Variants in RAD51B observed in about 807,000 individuals in gnomAD.
RAD51B encodes DNA repair protein RAD51 homolog 2.
RAD51B carries 38 observed loss-of-function variants against 42.2 expected under a neutral mutation model. That is an observed-to-expected ratio of 0.90 (90% CI 0.70 to 1.18). The LOEUF is 1.18. Among genes scored for constraint, RAD51B ranks in the 50% most tolerant of loss-of-function variants. The probability of loss-of-function intolerance (pLI) is 0.00; values close to 1 mark genes in which losing one functional copy is unlikely to be tolerated. For synonymous variants in RAD51B, 154 were observed against 145.2 expected (o/e 1.06, Z -0.43); for missense variants, 373 against 400.7 (o/e 0.93, Z 0.59).
intron 7 of RAD51B, among the ~76,000 whole-genome samples, chr14:68,274,170 C>T (rs372378501): frequency 6.6e-6 from 1 of 152,094 alleles, no homozygotes; most frequent in Non-Finnish European, 1.5e-5. Context: ...TTTCTATGGA[C>T]GATGACCATA....
At chr14:67,915,115 A>G (rs2044108518) in intron 7 of RAD51B, among the ~76,000 whole-genome samples, 1 of 152,142 alleles carries the variant, frequency 6.6e-6, no homozygotes, top group African/African-American at 2.4e-5. Context: ...TGAAAAACTA[A>G]CTACTGGGTG....
chr14:67,967,608 A>C (rs894192306), intron 7 of RAD51B, among the ~76,000 whole-genome samples: 1 of 152,214 alleles, frequency 6.6e-6, no homozygotes, highest in Non-Finnish European at 1.5e-5. Context: ...GGCAAATTCT[A>C]AAGCTCCAAA....
chr14:67,896,351 TAGA>T (rs1354429715), intron 7 of RAD51B, among the ~76,000 whole-genome samples: 4 of 152,216 alleles, frequency 2.6e-5, no homozygotes, highest in Non-Finnish European at 5.9e-5. Context: ...AAACTGAATG[TAGA>T]AGATTTGTTG....
chr14:68,018,695 C>T (rs1325537322), intron 7 of RAD51B, among the ~76,000 whole-genome samples: 1 of 152,188 alleles, frequency 6.6e-6, no homozygotes, highest in Admixed American at 6.5e-5. Flanking sequence ...TCACTGACAG[C>T]CACTCAAACA....
At chr14:68,115,373 C>T (rs181706371) in intron 7 of RAD51B, among the ~76,000 whole-genome samples, 26,428 of 108,110 alleles carry the variant, frequency 0.24, 4,967 homozygotes, top group African/African-American at 0.6. Context: ...GGAAGGGGAA[C>T]ATCACACTCT....
rs1889389344 is a variant in RAD51B at position 68,565,779 on chromosome 14, A to G, written c.1037-28706A>G. On this transcript the variant is annotated intron_variant, in intron 10 of 10. Coordinates refer to the RAD51B transcript ENST00000487270. This position sits in a 1 kb window ranked among gnomAD's most constrained non-coding sequence, Gnocchi z 4.1. ...TACTTAACATCTTCATGTCAATATT[A>G]TCTTATAAAACACTGCTGAAAAGGT... Among the ~76,000 whole-genome samples, 1 of 152,212 alleles carries G rather than the reference A, an allele frequency of 6.6e-6. No homozygotes were observed. Among genetic ancestry groups the G allele is most frequent in the Non-Finnish European group, 1.5e-5 (1 of 68,042 alleles).
At chr14:68,169,617 C>G (rs2140852283) in intron 7 of RAD51B, among the ~76,000 whole-genome samples, 1 of 151,894 alleles carries the variant, frequency 6.6e-6, no homozygotes, top group Middle Eastern at 3.4e-3. Flanking sequence ...ACACATAACT[C>G]TCTGTGTAGA....
At chr14:68,165,100 A>G (rs965075209) in intron 7 of RAD51B, among the ~76,000 whole-genome samples, 1 of 152,250 alleles carries the variant, frequency 6.6e-6, no homozygotes, top group African/African-American at 2.4e-5. Context: ...ACTCAGTGCC[A>G]TATAAATAGC....
chr14:68,344,862 G>T (rs982046901), intron 8 of RAD51B, among the ~76,000 whole-genome samples: 1 of 149,644 alleles, frequency 6.7e-6, no homozygotes, highest in Non-Finnish European at 1.5e-5. Context: ...CAGGAGAATG[G>T]CGTGAACCCA....
chr14:68,633,391 A>G (rs1892276104), intron 10 of RAD51B, among the ~76,000 whole-genome samples: 1 of 152,150 alleles, frequency 6.6e-6, no homozygotes, highest in African/African-American at 2.4e-5. Context: ...AAATTCAAGC[A>G]GGAGAATACG....
chr14:68,028,637 A>T (rs2075991890), intron 7 of RAD51B, among the ~76,000 whole-genome samples: 1 of 152,168 alleles, frequency 6.6e-6, no homozygotes, highest in Non-Finnish European at 1.5e-5. Flanking sequence ...AAGTGCTCCC[A>T]GGCTGCTGGA....
rs568411724 is a variant in RAD51B, at chr14:68,286,185, C to T, written c.757-5699C>T. On this transcript the variant is annotated intron_variant, in intron 7 of 10. Transcript: ENST00000471583. The stretch of plus-strand genomic sequence containing the variant: ...CTCTCTTCTCCTGTGTCCCATGTTG[C>T]CTTAGGAAGGAGAGCAGGCAGGGAA... 3.1e-4 allele frequency among the ~76,000 whole-genome samples: 47 copies of T among 152,246 alleles called. No individual in the cohort carries two copies. The South Asian group carries it at 9.3e-3, about 30-fold the overall frequency.
intron 7 of RAD51B, among the ~76,000 whole-genome samples, chr14:68,272,836 C>G (rs2081146597): frequency 6.7e-6 from 1 of 149,640 alleles, no homozygotes; most frequent in African/African-American, 2.5e-5. Context: ...AGGTGCCCAC[C>G]ACCTTGCCTG....
chr14:68,312,378 G>A (rs2081981612), intron 8 of RAD51B, among the ~76,000 whole-genome samples: 2 of 152,218 alleles, frequency 1.3e-5, no homozygotes, highest in Admixed American at 1.3e-4. Flanking sequence ...AGGCTAAAAT[G>A]CAGAGGGAGA....
intron 10 of RAD51B, among the ~76,000 whole-genome samples, chr14:68,521,744 C>G (rs1886597677): frequency 6.6e-6 from 1 of 152,186 alleles, no homozygotes; most frequent in African/African-American, 2.4e-5. Context: ...TTTTCTTCCT[C>G]CATTTCTGAA....
chr14:68,617,802 T>G (rs1891856016), intron 10 of RAD51B, among the ~76,000 whole-genome samples: 1 of 152,200 alleles, frequency 6.6e-6, no homozygotes, highest in African/African-American at 2.4e-5. Flanking sequence ...ATTTTGTTGT[T>G]TTCTAGTTTT....
chr14:68,590,428 C>T (rs1890686608), intron 10 of RAD51B, among the ~76,000 whole-genome samples: 1 of 152,252 alleles, frequency 6.6e-6, no homozygotes, highest in African/African-American at 2.4e-5. Flanking sequence ...GCCAGCATGG[C>T]AGGGTGTTCC....
intron 9 of RAD51B, among the ~76,000 whole-genome samples, chr14:68,455,700 A>T (rs535197412): frequency 6.6e-6 from 1 of 152,292 alleles, no homozygotes; most frequent in South Asian, 2.1e-4. Context: ...AGCCTGGGTG[A>T]CAGAGCGAGA....
chr14:68,054,933 C>G (rs568957532), intron 7 of RAD51B, among the ~76,000 whole-genome samples: 1 of 152,094 alleles, frequency 6.6e-6, no homozygotes, highest in Non-Finnish European at 1.5e-5. Context: ...AGTGGACACC[C>G]AGCTGGTGTC....
Sources: allele counts gnomAD v4.1 joint callset (sites outside exome capture counted in the v4.1 genomes callset), GRCh38; gene constraint gnomAD v4.1.1; non-coding constraint Gnocchi (gnomAD v3.1); transcripts MANE v1.5; gene names NCBI Gene and HGNC (gene_info 2026-07-23, HGNC 2026-07-21).